KCNH5: variants seen among roughly 807,000 people sequenced by gnomAD.
KCNH5 encodes potassium voltage-gated channel subfamily H member 5.
In KCNH5, 46 loss-of-function variants were observed where a neutral mutation model predicts 96.1. The ratio of observed to expected loss-of-function variants is 0.48; its 90% CI spans 0.38 to 0.61. KCNH5 has a LOEUF of 0.61. KCNH5 is among the 20% of genes least tolerant of loss of function. The pLI, the probability that KCNH5 is intolerant of heterozygous loss-of-function variation, is 0.00. For missense variants in KCNH5, 907 were observed against 1,225.8 expected (o/e 0.74, Z 3.88); for synonymous variants, 439 against 449.8 (o/e 0.98, Z 0.30).
At chr14:62,847,243 T>G (rs977902479) in intron 8 of KCNH5, among the ~76,000 whole-genome samples, 4 of 151,092 alleles carry the variant, frequency 2.6e-5, no homozygotes, top group African/African-American at 9.7e-5. Context: ...GTCAGGTTCT[T>G]TACAAAACCA....
intron 4 of KCNH5, among the ~76,000 whole-genome samples, chr14:62,996,785 T>C (rs549704049): frequency 6.6e-6 from 1 of 152,236 alleles, no homozygotes; most frequent in Non-Finnish European, 1.5e-5. Context: ...GCGAAAGTAC[T>C]GTACTTTCTT....
At chr14:62,898,515 T>C (rs1353246186) in intron 7 of KCNH5, among the ~76,000 whole-genome samples, 1 of 152,146 alleles carries the variant, frequency 6.6e-6, no homozygotes, top group African/African-American at 2.4e-5. Flanking sequence ...TTTAAATGTA[T>C]TGGCAATTCA....
At chr14:62,774,953 T>G (rs1251068740) in intron 10 of KCNH5, among the ~76,000 whole-genome samples, 1 of 152,208 alleles carries the variant, frequency 6.6e-6, no homozygotes, top group Admixed American at 6.5e-5. Context: ...ATAAAATATG[T>G]AGGATTGCAA....
At chr14:62,835,763 G>A (rs923978301) in intron 8 of KCNH5, among the ~76,000 whole-genome samples, 1 of 151,740 alleles carries the variant, frequency 6.6e-6, no homozygotes, top group Non-Finnish European at 1.5e-5. Flanking sequence ...AAAAAATAAA[G>A]TTACAAGAAA....
chr14:62,936,341 A>G (rs1889679301), intron 7 of KCNH5, among the ~76,000 whole-genome samples: 1 of 152,122 alleles, frequency 6.6e-6, no homozygotes, highest in Non-Finnish European at 1.5e-5. Context: ...GCTGAAGAGA[A>G]AGAGCCAGTA....
intron 9 of KCNH5, among the ~76,000 whole-genome samples, chr14:62,794,287 T>C (rs1886494587): frequency 6.6e-6 from 1 of 151,990 alleles, no homozygotes; most frequent in South Asian, 2.1e-4. Flanking sequence ...AATAAATTGG[T>C]AAAGGTAATA....
chr14:62,806,488 T>A (rs977181968), intron 8 of KCNH5, among the ~76,000 whole-genome samples: 9 of 152,004 alleles, frequency 5.9e-5, no homozygotes, highest in African/African-American at 2.2e-4. Flanking sequence ...TGGGTAAGTG[T>A]TGGGGTCCTG....
intron 7 of KCNH5, among the ~76,000 whole-genome samples, chr14:62,859,763 A>G (rs1007937200): frequency 3.3e-5 from 5 of 152,190 alleles, no homozygotes; most frequent in Admixed American, 6.5e-5. Context: ...GGGAGGTCCT[A>G]GAAAGGGGCT....
At chr14:62,986,014 T>C (rs1287763938) in intron 5 of KCNH5, among the ~76,000 whole-genome samples, 2 of 152,212 alleles carry the variant, frequency 1.3e-5, no homozygotes, top group Non-Finnish European at 2.9e-5. Context: ...ACTATTCTAA[T>C]GTATTAACAA....
At chr14:62,984,909 C>T (rs972469485) in intron 5 of KCNH5, among the ~76,000 whole-genome samples, 6 of 152,192 alleles carry the variant, frequency 3.9e-5, no homozygotes, top group African/African-American at 1.4e-4. Context: ...AGATTGTCTT[C>T]TCTATGGCCC....
chr14:62,868,607 G>C (rs559636862), intron 7 of KCNH5, among the ~76,000 whole-genome samples: 1 of 151,984 alleles, frequency 6.6e-6, no homozygotes, highest in East Asian at 1.9e-4. Flanking sequence ...TGAACGTGCA[G>C]GTTTGTTACA....
chr14:62,808,399 C>T (rs143872676), intron 8 of KCNH5, among the ~76,000 whole-genome samples: 1,642 of 152,114 alleles, frequency 0.011, 34 homozygotes, highest in African/African-American at 0.038. Context: ...GGAATAGAAG[C>T]ACAACAGGTT....
intron 10 of KCNH5, among the ~76,000 whole-genome samples, chr14:62,768,101 G>A (rs1885903843): frequency 1.3e-5 from 2 of 151,896 alleles, no homozygotes; most frequent in Admixed American, 6.6e-5. Flanking sequence ...ATTACTTAAC[G>A]ATCACAATGT....
At chr14:62,711,562 G>A (rs1176543166) in intron 10 of KCNH5, among the ~76,000 whole-genome samples, 1 of 152,150 alleles carries the variant, frequency 6.6e-6, no homozygotes, top group East Asian at 1.9e-4. Context: ...GGGTACTTAT[G>A]ACCAACAAGA....
chr14:62,768,007 T>C (rs983643597), intron 10 of KCNH5, among the ~76,000 whole-genome samples: 11 of 152,122 alleles, frequency 7.2e-5, no homozygotes, highest in Non-Finnish European at 1.2e-4. Flanking sequence ...CTAAGTAATG[T>C]GTGTACATGA....
At chr14:62,970,044 TAA>T (rs373852520) in intron 6 of KCNH5, among the ~76,000 whole-genome samples, 12 of 30,400 alleles carry the variant, frequency 3.9e-4, no homozygotes, top group South Asian at 1.0e-3. Context: ...AGACTCCGTC[TAA>T]AAAAAAAAAA....
intron 9 of KCNH5, among the ~76,000 whole-genome samples, chr14:62,785,962 G>A (rs1258305954): frequency 6.6e-6 from 1 of 152,188 alleles, no homozygotes; most frequent in Non-Finnish European, 1.5e-5. Context: ...AGAGGCCAAG[G>A]TGGGCAGATC....
intron 6 of KCNH5, among the ~76,000 whole-genome samples, chr14:62,979,552 T>C (rs1594656689): frequency 6.6e-6 from 1 of 152,030 alleles, no homozygotes; most frequent in African/African-American, 2.4e-5. Context: ...CAATGTATTA[T>C]AATAATAATA....
intron 10 of KCNH5, among the ~76,000 whole-genome samples, chr14:62,709,218 A>G (rs993120902): frequency 1.5e-4 from 19 of 123,098 alleles, no homozygotes; most frequent in South Asian, 3.1e-4. Flanking sequence ...GGGCGACAGA[A>G]CGAGACTCCT....
Sources: allele counts gnomAD v4.1 joint callset (sites outside exome capture counted in the v4.1 genomes callset), GRCh38; gene constraint gnomAD v4.1.1; transcripts MANE v1.5; gene names NCBI Gene and HGNC (gene_info 2026-07-23, HGNC 2026-07-21).